UVRAG: variants seen among roughly 807,000 people sequenced by gnomAD.
UVRAG encodes the protein UV radiation resistance-associated gene protein.
A neutral mutation model predicts 78.0 loss-of-function variants in UVRAG; 19 were observed. The observed-to-expected ratio is 0.24, with a 90% confidence interval of 0.17 to 0.36. UVRAG has a LOEUF of 0.36. UVRAG is among the 10% of genes least tolerant of loss of function. The pLI is 1.00. For missense variants in UVRAG, 740 were observed against 853.8 expected (o/e 0.87, Z 1.66); for synonymous variants, 323 against 324.6 (o/e 1.00, Z 0.05).
intron 14 of UVRAG, among the ~76,000 whole-genome samples, chr11:76,117,829 G>A (rs1952210287): frequency 6.6e-6 from 1 of 152,186 alleles, no homozygotes; most frequent in African/African-American, 2.4e-5. Context: ...CTCCTCCTCT[G>A]AGAGAGTGAG....
intron 13 of UVRAG, among the ~76,000 whole-genome samples, chr11:76,081,938 C>CA (rs775703377): frequency 0.059 from 4,135 of 69,592 alleles, 175 homozygotes; most frequent in African/African-American, 0.14. Context: ...AGAACCAAAG[C>CA]AAAAAAAAAA....
rs7118567 is a variant in UVRAG, at chr11:75,815,436, C to A, written c.29C>A (p.Pro10His). 135,991 of 1,247,182 alleles carry A rather than the reference C, an allele frequency of 0.11. 9,237 individuals carry two copies. Among genetic ancestry groups the A allele is most frequent in the African/African-American group, 0.29 (18,789 of 64,438 alleles). The allele number at this position is 1,247,182 out of a possible 1,614,324, so 77.3% of individuals were successfully genotyped here. MSASASVGG[P>H]VPQPPPGPAA... ...AGCGCCTCCGCGTCGGTCGGGGGCC[C>A]CGTCCCCCAGCCACCCCCGGGCCCG... The change falls in exon 1 of 15, where the codon CCC becomes CAC. Residue 10 changes from proline (P) to histidine (H), a missense_variant. By Grantham distance (77) the Pro-to-His change is moderately conservative. Transcript: ENST00000356136.
intron 14 of UVRAG, among the ~76,000 whole-genome samples, chr11:76,118,685 A>AT (rs1009787564): frequency 6.6e-6 from 1 of 152,070 alleles, no homozygotes; most frequent in African/African-American, 2.4e-5. Context: ...CATGTGTATT[A>AT]TTTTTTCCTA....
intron 10 of UVRAG, among the ~76,000 whole-genome samples, chr11:76,008,011 C>T (rs773473916): frequency 4.6e-5 from 7 of 151,966 alleles, no homozygotes; most frequent in Non-Finnish European, 8.8e-5. Flanking sequence ...GGGTTCACGC[C>T]ATTCTCCTGC....
chr11:76,060,288 A>C (rs1951058644), intron 12 of UVRAG, among the ~76,000 whole-genome samples: 1 of 152,200 alleles, frequency 6.6e-6, no homozygotes, highest in Non-Finnish European at 1.5e-5. Context: ...TACTTACCAG[A>C]TTTCAGTCGG....
At chr11:76,000,285 A>G (rs117073696) in intron 8 of UVRAG, among the ~76,000 whole-genome samples, 1,910 of 152,334 alleles carry the variant, frequency 0.013, 25 homozygotes, top group South Asian at 0.024. Context: ...AATACTATCT[A>G]CAAGAAATCC....
At chr11:76,082,781 G>A (rs149763037) in intron 13 of UVRAG, among the ~76,000 whole-genome samples, 4 of 152,096 alleles carry the variant, frequency 2.6e-5, no homozygotes, top group Non-Finnish European at 5.9e-5. Flanking sequence ...TGTAATCCTA[G>A]CACTTTGGGA....
intron 7 of UVRAG, among the ~76,000 whole-genome samples, chr11:75,969,934 T>C (rs1050190077): frequency 1.3e-5 from 2 of 152,238 alleles, no homozygotes; most frequent in African/African-American, 2.4e-5. Flanking sequence ...TGGATCCTGG[T>C]AACCTATTTA....
chr11:75,989,452 T>C (rs1012134952), intron 8 of UVRAG, among the ~76,000 whole-genome samples: 1 of 152,210 alleles, frequency 6.6e-6, no homozygotes, highest in South Asian at 2.1e-4. Context: ...TTTCTTGTTT[T>C]CCTTCTCTCA....
chr11:76,112,745 A>C (rs566417741), intron 13 of UVRAG, among the ~76,000 whole-genome samples: 1 of 124,640 alleles, frequency 8.0e-6, no homozygotes, highest in African/African-American at 4.0e-5. Flanking sequence ...TTTTTTTTTG[A>C]GACAGGGTCT....
intron 6 of UVRAG, among the ~76,000 whole-genome samples, chr11:75,954,534 A>G (rs541329145): frequency 3.6e-4 from 55 of 152,304 alleles, no homozygotes; most frequent in African/African-American, 1.3e-3. Context: ...TTATTTTGAT[A>G]CACTATTTTG....
Position 75,911,768 on chromosome 11 carries a change from C to T in UVRAG, c.508-186C>T, listed in dbSNP as rs1401731232. The T allele has an allele frequency of 2.7e-5, 12 of 447,546 alleles. No individual in the cohort carries two copies. In the Admixed American group the frequency reaches 4.0e-4, roughly 15 times the overall value. The allele number at this position is 447,546 out of a possible 1,614,324, so 27.7% of individuals were successfully genotyped here. A position where few individuals can be genotyped will look rare whatever the true frequency, so the allele number is the denominator to read the frequency against. On this transcript the variant is annotated intron_variant, in intron 5 of 14. Transcript: ENST00000356136. ...GATCCCCCTGCCAAAATTTATTTTA[C>T]ATTCCCTCACCTGAAAGGTTAGGCT...
At chr11:75,826,094 C>T (rs1945503810) in intron 1 of UVRAG, among the ~76,000 whole-genome samples, 1 of 151,764 alleles carries the variant, frequency 6.6e-6, no homozygotes, top group African/African-American at 2.4e-5. Context: ...ACCTTGGCCT[C>T]CCAAAGTGCT....
In UVRAG at chr11:76,093,350, TG is replaced by T. The variant is rs533091715; in HGVS notation, c.1306-22572del. 2.8e-4 allele frequency among the ~76,000 whole-genome samples: 42 copies of T among 152,352 alleles called. 1 individual carries two copies. Among genetic ancestry groups the T allele is most frequent in the African/African-American group, 8.7e-4 (36 of 41,590 alleles). ...TGTCTTGACAATGCGGGCTCTTTTT[TG>T]GTTCCATATGAACTTTAAAGTAGTT... On this transcript the variant is annotated intron_variant, in intron 13 of 14. Coordinates refer to ENST00000356136, the MANE Select transcript of UVRAG (RefSeq NM_003369.4).
chr11:75,966,710 C>T (rs553257412), intron 7 of UVRAG, among the ~76,000 whole-genome samples: 1 of 152,244 alleles, frequency 6.6e-6, no homozygotes, highest in African/African-American at 2.4e-5. Context: ...TTGGTGGAAT[C>T]TCTGGATTTT....
At chr11:76,022,189 T>C (rs764195647) in intron 12 of UVRAG, among the ~76,000 whole-genome samples, 7 of 152,244 alleles carry the variant, frequency 4.6e-5, no homozygotes, top group South Asian at 2.1e-4. Context: ...TTTTAAATTA[T>C]GAAGACTTGT....
chr11:76,078,250 T>G (rs2134404578), intron 13 of UVRAG, among the ~76,000 whole-genome samples: 1 of 152,252 alleles, frequency 6.6e-6, no homozygotes, highest in African/African-American at 2.4e-5. Context: ...ACCCAAAGTC[T>G]CTAGATTTTA....
Position 76,141,687 on chromosome 11 carries a change from T to C in UVRAG, c.*274T>C. ...AAGAGCTTACAGCTCGAGTCACCTTTTAGCTATTTGTCTGCTTTTTATTTA... is the reference window on the plus strand; with the variant it reads ...AAGAGCTTACAGCTCGAGTCACCTTCTAGCTATTTGTCTGCTTTTTATTTA... On this transcript the variant is annotated 3_prime_UTR_variant, in exon 15 of 15. Transcript: ENST00000356136. The C allele has an allele frequency of 4.5e-6, 2 of 447,964 alleles. No homozygotes were observed. The highest frequency in any genetic ancestry group is 8.0e-6 in the Non-Finnish European group (2 of 250,604). 27.7% of individuals were successfully genotyped at this position (447,964 alleles called of 1,614,324 possible). A position where few individuals can be genotyped will look rare whatever the true frequency, so the allele number is the denominator to read the frequency against.
At chr11:76,126,110 C>A (rs535932961) in intron 14 of UVRAG, among the ~76,000 whole-genome samples, 1 of 135,788 alleles carries the variant, frequency 7.4e-6, no homozygotes, top group East Asian at 2.0e-4. Flanking sequence ...CCACCTCACC[C>A]GGCTAATTTT....
Sources: gnomAD v4.1 joint callset for allele counts (sites outside exome capture counted in the v4.1 genomes callset) on GRCh38, gnomAD v4.1.1 for gene constraint, MANE v1.5 for transcripts, NCBI Gene and HGNC (gene_info 2026-07-23, HGNC 2026-07-21) for gene names.